Variants in STIM1 observed in about 807,000 individuals in gnomAD.
STIM1 encodes the protein stromal interaction molecule 1.
Under a neutral mutation model 74.7 loss-of-function variants are expected in STIM1, and 25 were observed. The ratio of observed to expected loss-of-function variants is 0.33; its 90% CI spans 0.24 to 0.47. The LOEUF is 0.47. Among genes scored for constraint, STIM1 ranks in the 20% least tolerant of loss-of-function variants. The probability of loss-of-function intolerance (pLI) is 1.00; values close to 1 mark genes in which losing one functional copy is unlikely to be tolerated. For missense variants in STIM1, 728 were observed against 920.8 expected, an observed-to-expected ratio of 0.79 and a Z score of 2.71; for synonymous variants, 328 against 348.8, an observed-to-expected ratio of 0.94 and a Z score of 0.66.
At position 4,074,505 on chromosome 11, in the gene STIM1, G is replaced by A; in HGVS notation, c.795G>A (p.Leu265=). ...EQSLHDLQER[L]HKAQEEHRTV... is the part of the protein sequence containing the mutation. ...GCTCCCTGCATTGCCCCCCCAGGCT[G>A]CACAAGGCCCAGGAGGAGCACCGCA... is the stretch of plus-strand genomic sequence containing the variant. The change falls in exon 7 of 13, where the codon CTG becomes CTA. Residue 265 remains leucine, a synonymous_variant. Coordinates refer to ENST00000526596, the MANE Select transcript of STIM1 (RefSeq NM_001382567.1). 1 of 1,613,566 alleles carries A rather than the reference G, an allele frequency of 6.2e-7. No individual in the cohort carries two copies. The highest frequency in any genetic ancestry group is 1.1e-5 in the South Asian group (1 of 91,042).
intron 3 of STIM1, among the ~76,000 whole-genome samples, chr11:4,041,882 T>G (rs959192060): frequency 6.6e-6 from 1 of 152,182 alleles, no homozygotes; most frequent in African/African-American, 2.4e-5. Flanking sequence ...CCACCGTGCT[T>G]GGCCAAAGCT....
intron 3 of STIM1, 145 bp from the exon 4 acceptor site, chr11:4,055,381 G>A (rs1246684004): frequency 1.4e-6 from 1 of 697,792 alleles, no homozygotes; most frequent in East Asian, 2.8e-5. Flanking sequence ...TAGACTCACA[G>A]TGTATACTCC....
At chr11:4,036,043 T>C (rs1221268347) in intron 3 of STIM1, among the ~76,000 whole-genome samples, 2 of 152,118 alleles carry the variant, frequency 1.3e-5, no homozygotes, top group African/African-American at 2.4e-5. Flanking sequence ...TGTATGTTGT[T>C]CCCCCTGATG....
intron 7 of STIM1, among the ~76,000 whole-genome samples, chr11:4,076,670 G>A (rs2094439241): frequency 6.7e-6 from 1 of 149,278 alleles, no homozygotes; most frequent in South Asian, 2.1e-4. Context: ...GAGGTAGGCT[G>A]TCAAGGATCT....
At chr11:3,888,458 T>A (rs1393817092) in intron 1 of STIM1, among the ~76,000 whole-genome samples, 1 of 152,120 alleles carries the variant, frequency 6.6e-6, no homozygotes, top group African/African-American at 2.4e-5. Flanking sequence ...ATAGGAAATG[T>A]GAGGGTGGGT....
At chr11:4,073,000 C>G (rs2094413635) in intron 6 of STIM1, among the ~76,000 whole-genome samples, 1 of 146,516 alleles carries the variant, frequency 6.8e-6, no homozygotes, top group African/African-American at 2.5e-5. Context: ...CTTGCTTGTT[C>G]CATGATGTCT....
At chr11:3,961,294 G>T in intron 1 of STIM1, 1 of 234,174 alleles carries the variant, frequency 4.3e-6, no homozygotes, top group South Asian at 6.9e-5. Flanking sequence ...CCTGCAGGCT[G>T]ATTTTGACAG....
At chr11:3,916,520 C>T (rs940611110) in intron 1 of STIM1, among the ~76,000 whole-genome samples, 4 of 150,228 alleles carry the variant, frequency 2.7e-5, no homozygotes, top group Non-Finnish European at 5.9e-5. Flanking sequence ...GGGGTGATCT[C>T]GGCTCACTGC....
chr11:3,979,465 A>T (rs73427592), intron 2 of STIM1, among the ~76,000 whole-genome samples: 447 of 152,300 alleles, frequency 2.9e-3, no homozygotes, highest in African/African-American at 0.01. Context: ...TTTTTAAAAG[A>T]GTCAGGGTCT....
chr11:3,993,065 GAAA>G (rs200224671), intron 2 of STIM1, among the ~76,000 whole-genome samples: 2 of 132,726 alleles, frequency 1.5e-5, no homozygotes. Context: ...GAGCTTTTTT[GAAA>G]AAAAAAAAAA....
At chr11:3,864,200 C>T (rs2090754581) in intron 1 of STIM1, among the ~76,000 whole-genome samples, 1 of 152,222 alleles carries the variant, frequency 6.6e-6, no homozygotes, top group African/African-American at 2.4e-5. Flanking sequence ...ACCTCCCTAG[C>T]TTCACCTGCA....
At chr11:3,994,692 C>G (rs1308688152) in intron 2 of STIM1, among the ~76,000 whole-genome samples, 1 of 151,912 alleles carries the variant, frequency 6.6e-6, no homozygotes, top group Non-Finnish European at 1.5e-5. Context: ...ACTCCTGGCC[C>G]CAAGCAATCC....
chr11:3,971,883 CTAATATTAAACA>C (rs747017806), intron 2 of STIM1, among the ~76,000 whole-genome samples: 66 of 152,312 alleles, frequency 4.3e-4, no homozygotes, highest in Middle Eastern at 6.8e-3. Context: ...CCCTGCTCTC[CTAATATTAAACA>C]TAAAAACCAC....
intron 1 of STIM1, among the ~76,000 whole-genome samples, chr11:3,877,158 A>C (rs533064195): frequency 3.2e-4 from 48 of 152,292 alleles, no homozygotes; most frequent in South Asian, 1.0e-3. Flanking sequence ...ATGGGAGTGC[A>C]GGGGAAAAAG....
intron 1 of STIM1, among the ~76,000 whole-genome samples, chr11:3,926,352 A>G (rs1475800517): frequency 6.6e-6 from 1 of 152,184 alleles, no homozygotes; most frequent in African/African-American, 2.4e-5. Context: ...AGAGGGCACC[A>G]TTGTTAGTCA....
At chr11:3,972,938 T>G (rs934973610) in intron 2 of STIM1, 28 of 510,920 alleles carry the variant, frequency 5.5e-5, no homozygotes, top group Admixed American at 9.9e-5. Context: ...GAGGACTGAT[T>G]GTTATAATTG....
intron 1 of STIM1, among the ~76,000 whole-genome samples, chr11:3,897,143 A>G (rs141853752): frequency 7.2e-5 from 11 of 152,330 alleles, no homozygotes; most frequent in Non-Finnish European, 1.0e-4. Context: ...GATTCTGTCA[A>G]AGTAAAAACT....
At chr11:3,886,976 C>T (rs2091734316) in intron 1 of STIM1, among the ~76,000 whole-genome samples, 1 of 151,592 alleles carries the variant, frequency 6.6e-6, no homozygotes, top group Admixed American at 6.6e-5. Flanking sequence ...GCACTCCAGC[C>T]TGGCGACAGA....
Position 3,856,315 on chromosome 11 carries a change from C to T in STIM1, c.45C>T (p.Leu15=), listed in dbSNP as rs1365622226. The change falls in exon 1 of 13, where the codon CTC becomes CTT. Residue 15 remains leucine, a synonymous_variant. Transcript: ENST00000526596. Reference sequence around the variant, plus strand: ...TTGCCCTGTGGCTCCTCTGGGGACTCCTCCTGCACCAGGGCCAGAGCCTCA... The same window carrying T: ...TTGCCCTGTGGCTCCTCTGGGGACTTCTCCTGCACCAGGGCCAGAGCCTCA... ...VRLALWLLWG[L]LLHQGQSLSH... The T allele has an allele frequency of 1.2e-6, 2 of 1,614,192 alleles. No individual in the cohort carries two copies. Among genetic ancestry groups the T allele is most frequent in the East Asian group, 2.2e-5 (1 of 44,878 alleles).
Sources: gnomAD v4.1 joint callset for allele counts (sites outside exome capture counted in the v4.1 genomes callset) on GRCh38, gnomAD v4.1.1 for gene constraint, MANE v1.5 for transcripts, NCBI Gene and HGNC (gene_info 2026-07-23, HGNC 2026-07-21) for gene names.